FARS2: variants seen among roughly 807,000 people sequenced by gnomAD.
FARS2 encodes phenylalanine--tRNA ligase, mitochondrial.
In FARS2, 40 loss-of-function variants were observed where a neutral mutation model predicts 46.4. That is an observed-to-expected ratio of 0.86 (90% CI 0.67 to 1.12). FARS2 has a LOEUF of 1.12. FARS2 is among the 50% of genes most tolerant of loss of function. The probability of loss-of-function intolerance (pLI) is 0.00; values close to 1 mark genes in which losing one functional copy is unlikely to be tolerated. For missense variants in FARS2, 513 were observed against 567.9 expected, an observed-to-expected ratio of 0.90 and a Z score of 0.98; for synonymous variants, 234 against 214.9, an observed-to-expected ratio of 1.09 and a Z score of -0.78.
At chr6:5,448,453 G>T (rs997015932) in intron 4 of FARS2, among the ~76,000 whole-genome samples, 34 of 141,052 alleles carry the variant, frequency 2.4e-4, no homozygotes, top group African/African-American at 6.7e-4. Flanking sequence ...AAAAACCAAA[G>T]CAGCACACAT....
chr6:5,747,990 C>G (rs1018873976), intron 6 of FARS2, among the ~76,000 whole-genome samples: 1 of 152,174 alleles, frequency 6.6e-6, no homozygotes, highest in African/African-American at 2.4e-5. Context: ...TGGATCATTT[C>G]TTGAGATCAA....
At position 5,686,322 on chromosome 6, in the gene FARS2, A is replaced by C. The variant is rs140997494; in HGVS notation, c.1217+73002A>C. On this transcript the variant is annotated intron_variant, in intron 6 of 6. Transcript: ENST00000274680. The stretch of plus-strand genomic sequence containing the variant: ...ACCCATTAACTCGTCATTTAACATT[A>C]GGTATATCTCCTAATGCTCTCCCCC... 7.7e-3 allele frequency among the ~76,000 whole-genome samples: 1,159 copies of C among 151,096 alleles called. 23 individuals carry two copies. The highest frequency in any genetic ancestry group is 0.028 in the African/African-American group (1,119 of 40,538).
At chr6:5,642,127 T>G (rs564458852) in intron 6 of FARS2, among the ~76,000 whole-genome samples, 2 of 152,338 alleles carry the variant, frequency 1.3e-5, no homozygotes, top group East Asian at 3.9e-4. Context: ...TGTATGTGTA[T>G]ATTTGTGTGT....
chr6:5,499,187 T>C (rs549104335), intron 4 of FARS2, among the ~76,000 whole-genome samples: 1 of 152,320 alleles, frequency 6.6e-6, no homozygotes, highest in African/African-American at 2.4e-5. Context: ...GCATCTGACC[T>C]TTCACTGGCA....
chr6:5,454,929 G>A (rs1044523385), intron 4 of FARS2, among the ~76,000 whole-genome samples: 8 of 152,114 alleles, frequency 5.3e-5, no homozygotes, highest in African/African-American at 1.2e-4. Context: ...TGCATGTCTT[G>A]TTCACAGCAG....
At chr6:5,462,426 A>G (rs369516893) in intron 4 of FARS2, among the ~76,000 whole-genome samples, 1 of 152,054 alleles carries the variant, frequency 6.6e-6, no homozygotes, top group East Asian at 1.9e-4. Context: ...TTAATGGATT[A>G]TGATTTTTGT....
chr6:5,598,322 G>A (rs1224778575), intron 5 of FARS2, among the ~76,000 whole-genome samples: 1 of 152,196 alleles, frequency 6.6e-6, no homozygotes, highest in African/African-American at 2.4e-5. Flanking sequence ...GGTCAAGGCT[G>A]CAGTGAGCTA....
At chr6:5,362,911 C>G (rs1468708155) in intron 1 of FARS2, among the ~76,000 whole-genome samples, 2 of 148,718 alleles carry the variant, frequency 1.3e-5, no homozygotes, top group African/African-American at 4.9e-5. Flanking sequence ...GATCCTTTGC[C>G]CATTTTTCTT....
At chr6:5,682,188 A>T (rs943240484) in intron 6 of FARS2, among the ~76,000 whole-genome samples, 15 of 152,244 alleles carry the variant, frequency 9.9e-5, no homozygotes, top group African/African-American at 3.6e-4. Flanking sequence ...GACAATAACT[A>T]GGTTGCAGCA....
intron 4 of FARS2, among the ~76,000 whole-genome samples, chr6:5,532,798 G>T (rs994920276): frequency 6.6e-5 from 10 of 152,052 alleles, no homozygotes; most frequent in African/African-American, 1.9e-4. Context: ...AGAAGAAGAA[G>T]AAGAAGAAGA....
intron 5 of FARS2, among the ~76,000 whole-genome samples, chr6:5,586,195 T>A (rs1290138823): frequency 6.6e-6 from 1 of 152,194 alleles, no homozygotes; most frequent in Non-Finnish European, 1.5e-5. Flanking sequence ...CATATTTGGA[T>A]ACCTTTGACT....
At chr6:5,326,066 C>A (rs775564014) in intron 1 of FARS2, among the ~76,000 whole-genome samples, 1 of 152,282 alleles carries the variant, frequency 6.6e-6, no homozygotes, top group African/African-American at 2.4e-5. Context: ...TGTGTGATGA[C>A]AGTTTAGAAT....
At chr6:5,504,848 G>A (rs1768012612) in intron 4 of FARS2, among the ~76,000 whole-genome samples, 1 of 151,840 alleles carries the variant, frequency 6.6e-6, no homozygotes, top group African/African-American at 2.4e-5. Flanking sequence ...TTTTGACATA[G>A]GGTCTTTCTC....
intron 3 of FARS2, among the ~76,000 whole-genome samples, chr6:5,420,156 C>T (rs986019834): frequency 8.5e-5 from 13 of 152,248 alleles, no homozygotes; most frequent in African/African-American, 3.1e-4. Flanking sequence ...TTATTCACTG[C>T]AACAAGAACA....
At chr6:5,389,857 T>C (rs1370095762) in intron 2 of FARS2, among the ~76,000 whole-genome samples, 1 of 151,214 alleles carries the variant, frequency 6.6e-6, no homozygotes, top group Non-Finnish European at 1.5e-5. Flanking sequence ...TTGTTATTGT[T>C]GTTTTTGTTT....
At chr6:5,528,847 A>T (rs1257070793) in intron 4 of FARS2, among the ~76,000 whole-genome samples, 1 of 152,142 alleles carries the variant, frequency 6.6e-6, no homozygotes, top group African/African-American at 2.4e-5. Context: ...ATACGTGGTG[A>T]CTGGAGATCG....
intron 4 of FARS2, among the ~76,000 whole-genome samples, chr6:5,467,924 A>G (rs1482388543): frequency 2.0e-5 from 3 of 152,226 alleles, no homozygotes; most frequent in African/African-American, 7.2e-5. Context: ...TATTTTCTTA[A>G]TAACATGGCT....
intron 6 of FARS2, among the ~76,000 whole-genome samples, chr6:5,710,804 G>A (rs770387229): frequency 5.3e-5 from 8 of 152,146 alleles, no homozygotes; most frequent in Non-Finnish European, 1.0e-4. Context: ...TGGCAACTGC[G>A]GAAAAAACTC....
chr6:5,543,924 G>A (rs1448619942), intron 4 of FARS2, among the ~76,000 whole-genome samples: 4 of 150,878 alleles, frequency 2.7e-5, no homozygotes, highest in African/African-American at 4.9e-5. Flanking sequence ...ACACTTAGTG[G>A]CCTAACATAG....
Sources: gnomAD v4.1 joint callset for allele counts (sites outside exome capture counted in the v4.1 genomes callset) on GRCh38, gnomAD v4.1.1 for gene constraint, MANE v1.5 for transcripts, NCBI Gene and HGNC (gene_info 2026-07-23, HGNC 2026-07-21) for gene names.